The following AGER variants were observed in gnomAD, a reference collection of about 807,000 sequenced individuals.
AGER encodes advanced glycosylation end-product specific receptor.
Under a neutral mutation model 48.8 loss-of-function variants are expected in AGER, and 46 were observed. The ratio of observed to expected loss-of-function variants is 0.94; its 90% confidence interval spans 0.74 to 1.20. AGER has a LOEUF of 1.20. AGER is among the 50% of genes most tolerant of loss of function. The pLI is 0.00. For synonymous variants in AGER, 170 were observed against 199.9 expected (o/e 0.85, Z 1.26); for missense variants, 489 against 515.0 (o/e 0.95, Z 0.49).
At position 32,184,157 on chromosome 6, in the gene AGER, A is replaced by T; in HGVS notation, c.52+14T>A. 1 of 1,610,126 alleles carries T rather than the reference A, an allele frequency of 6.2e-7. No homozygotes were observed. The highest frequency in any genetic ancestry group is 8.5e-7 in the Non-Finnish European group (1 of 1,178,354). On this transcript the variant is annotated intron_variant, in intron 1 of 10. Coordinates refer to ENST00000375076, the MANE Select transcript of AGER (RefSeq NM_001136.5). The stretch of plus-strand genomic sequence containing the variant: ...TCTGCAGGGAGGGTCAGTGGGGTTG[A>T]GGGAGTGGCTCACCCCACAGACTGA...
At position 32,181,493 on chromosome 6, in the gene AGER, G is replaced by A. The variant is rs1382263477; in HGVS notation, c.992-16C>T. 1 of 1,613,094 alleles carries A rather than the reference G, an allele frequency of 6.2e-7. No homozygotes were observed. Among genetic ancestry groups the A allele is most frequent in the Non-Finnish European group, 8.5e-7 (1 of 1,180,050 alleles). ...CCCACAGAGCCTGTACGGAGACAGG[G>A]AAAATTGAGAGCACAGCCACCACCA... is the stretch of plus-strand genomic sequence containing the variant. On this transcript the variant is annotated splice_polypyrimidine_tract_variant and intron_variant, in intron 9 of 10. Coordinates refer to ENST00000375076, the MANE Select transcript of AGER (RefSeq NM_001136.5). This position sits in a 1 kb window ranked among gnomAD's most constrained non-coding sequence, Gnocchi z 4.1.
In AGER at chr6:32,180,996, T is replaced by G; in HGVS notation, c.*147A>C. 1.3e-6 allele frequency: 1 copy of G among 790,744 alleles called. No individual in the cohort carries two copies. Among genetic ancestry groups the G allele is most frequent in the Non-Finnish European group, 2.1e-6 (1 of 475,514 alleles). The allele number at this position is 790,744 out of a possible 1,614,324, so 49.0% of individuals were successfully genotyped here. On this transcript the variant is annotated 3_prime_UTR_variant, in exon 11 of 11. Transcript: ENST00000375076. The stretch of plus-strand genomic sequence containing the variant: ...AGATGTGTCAGGTGTTTAATCATCA[T>G]TGTGGGGGGCTCTGGTTGTAGAAGA...
intron 2 of AGER, 22 bp downstream of exon 2, chr6:32,183,859 C>G: frequency 3.1e-6 from 5 of 1,612,942 alleles, no homozygotes; most frequent in Non-Finnish European, 4.2e-6. Flanking sequence ...AGTTGGGAGG[C>G]TGCAACAGGA....
Position 32,182,652 on chromosome 6 carries a change from A to G in AGER, c.738T>C (p.Gly246=). Residue 246 remains glycine, a synonymous_variant, in exon 7 of 11, where the codon GGT becomes GGC. Transcript: ENST00000375076. The surrounding 1 kb of genome is among the most constrained non-coding windows in gnomAD (Gnocchi z 5.1). ...CGGTTCCACCAGGAGCTACTGCTCC[A>G]CCTTCTGGCTCCACCACCAATTGGA... The part of the protein sequence containing the change: ...EEVQLVVEPE[G]GAVAPGGTVT... 6.2e-7 allele frequency: 1 copy of G among 1,613,018 alleles called. No homozygotes were observed.
Position 32,183,361 on chromosome 6 carries a change from TC to T in AGER, c.382del (p.Asp128IlefsTer46), listed in dbSNP as rs1226165604. 1.9e-6 allele frequency: 3 copies of T among 1,613,002 alleles called. No homozygotes were observed. Among genetic ancestry groups the T allele is most frequent in the Admixed American group, 3.3e-5 (2 of 60,010 alleles). ...ACCAGCCGTGAGTTCAGAGGCAGAA[TC>T]TACAATTTCTGGCTTCCCAGGAATC... is the stretch of plus-strand genomic sequence containing the variant. Reference protein sequence around the residue: ...YQIPGKPEIVDSASELTAGVP... With the variant: ...YQIPGKPEIVXSASELTAGVP... On this transcript the variant is annotated frameshift_variant, in exon 4 of 11. Transcript: ENST00000375076. LOFTEE classifies it high-confidence loss of function.
Position 32,182,827 on chromosome 6 carries a change from C to A in AGER, c.691+14G>T. The A allele has an allele frequency of 6.2e-7, 1 of 1,612,488 alleles. No individual in the cohort carries two copies. Among genetic ancestry groups the A allele is most frequent in the Non-Finnish European group, 8.5e-7 (1 of 1,179,874 alleles). On this transcript the variant is annotated intron_variant, in intron 6 of 10. Coordinates refer to ENST00000375076, the MANE Select transcript of AGER (RefSeq NM_001136.5). The surrounding 1 kb of genome is among the most constrained non-coding windows in gnomAD (Gnocchi z 5.1). ...TGCTCACGTGAGCTTGGGGCCCTCC[C>A]CACCTATGCTCACCCCAGACACGGG... is the stretch of plus-strand genomic sequence containing the variant.
rs1786241774 is a variant in AGER at position 32,181,647 on chromosome 6, T to C, written c.965-15A>G. 2 of 1,612,782 alleles carry C rather than the reference T, an allele frequency of 1.2e-6. No homozygotes were observed. The highest frequency in any genetic ancestry group is 2.7e-5 in the African/African-American group (2 of 74,916). ...CTCGCCTGGTTCTGGAAGACAAAGT[T>C]GGATCCAGTCAGAAAGGAAGACTTC... On this transcript the variant is annotated splice_polypyrimidine_tract_variant and intron_variant, in intron 8 of 10. Transcript: ENST00000375076. The surrounding 1 kb of genome is among the most constrained non-coding windows in gnomAD (Gnocchi z 4.1).
chr6:32,181,465 C>T lies in AGER; in HGVS notation c.1004G>A (p.Gly335Glu), dbSNP rs1370682651. The T allele has an allele frequency of 6.2e-7, 1 of 1,613,262 alleles. No homozygotes were observed. Among genetic ancestry groups the T allele is most frequent in the South Asian group, 1.1e-5 (1 of 91,084 alleles). Residue 335 changes from glycine to glutamate, a missense_variant, in exon 10 of 11, where the codon GGA becomes GAA. Transcript: ENST00000375076. The surrounding 1 kb of genome is among the most constrained non-coding windows in gnomAD (Gnocchi z 4.1). Reference protein sequence around the residue: ...EEGPTAGSVGGSGLGTLALAL... With the variant: ...EEGPTAGSVGESGLGTLALAL... ...CAGGGCTAGAGTTCCCAGCCCTGAT[C>T]CTCCCACAGAGCCTGTACGGAGACA...
rs1291560549 is a variant in AGER, at chr6:32,182,859, T to TG, written c.672dup (p.Ile225HisfsTer36). The TG allele has an allele frequency of 6.2e-7, 1 of 1,611,670 alleles. No individual in the cohort carries two copies. The highest frequency in any genetic ancestry group is 8.5e-7 in the Non-Finnish European group (1 of 1,179,608). ...TGCTCACCCCAGACACGGGGCTGGA[T>TG]GGGGGCTGTGCGCAAGGCCCGGTGT... On this transcript the variant is annotated frameshift_variant, in exon 6 of 11. Transcript: ENST00000375076. LOFTEE classifies it high-confidence loss of function. This position sits in a 1 kb window ranked among gnomAD's most constrained non-coding sequence, Gnocchi z 5.1.
Position 32,183,029 on chromosome 6 carries a change from A to G in AGER, c.509-6T>C. 6.2e-7 allele frequency: 1 copy of G among 1,613,060 alleles called. No homozygotes were observed. Among genetic ancestry groups the G allele is most frequent in the Non-Finnish European group, 8.5e-7 (1 of 1,180,028 alleles). ...CTGTTCCTTCACAGATACTCCTATG[A>G]TGGGAGGATAAGACAAATTATCCCA... On this transcript the variant is annotated splice_region_variant and splice_polypyrimidine_tract_variant and intron_variant, in intron 5 of 10. Coordinates refer to ENST00000375076, the MANE Select transcript of AGER (RefSeq NM_001136.5).
Position 32,181,652 on chromosome 6 carries a change from C to A in AGER, c.965-20G>T. On this transcript the variant is annotated intron_variant, in intron 8 of 10. Transcript: ENST00000375076. This position sits in a 1 kb window ranked among gnomAD's most constrained non-coding sequence, Gnocchi z 4.1. ...CTGGTTCTGGAAGACAAAGTTGGAT[C>A]CAGTCAGAAAGGAAGACTTCGGGTT... 6.2e-7 allele frequency: 1 copy of A among 1,612,690 alleles called. No homozygotes were observed. Among genetic ancestry groups the A allele is most frequent in the Non-Finnish European group, 8.5e-7 (1 of 1,179,744 alleles).
At position 32,183,619 on chromosome 6, in the gene AGER, G is replaced by GA. The variant is rs1173662357; in HGVS notation, c.290dup (p.Arg98ProfsTer35). The GA allele has an allele frequency of 1.5e-5, 24 of 1,613,088 alleles. No individual in the cohort carries two copies. The highest frequency in any genetic ancestry group is 2.0e-5 in the Non-Finnish European group (24 of 1,180,044). On this transcript the variant is annotated frameshift_variant, in exon 3 of 11. Transcript: ENST00000375076. LOFTEE classifies it high-confidence loss of function. Reference sequence around the variant, plus strand: ...CATTCCTGTTCATTGCCTGGCACCGGAAAATCCCCTCATCCTGGATCCCGA... The same window carrying GA: ...CATTCCTGTTCATTGCCTGGCACCGGAAAAATCCCCTCATCCTGGATCCCGA...
Position 32,182,079 on chromosome 6 carries a change from T to C in AGER, c.964+168A>G, listed in dbSNP as rs1786321273. ...AGAGGGAAGAAGGGAGAGGCTTGGC[T>C]GCTCTCTTGGCAGAATTTGGGTGGG... is the stretch of plus-strand genomic sequence containing the variant. On this transcript the variant is annotated intron_variant, in intron 8 of 10. Transcript: ENST00000375076. The surrounding 1 kb of genome is among the most constrained non-coding windows in gnomAD (Gnocchi z 5.1). 1 of 967,126 alleles carries C rather than the reference T, an allele frequency of 1.0e-6. No individual in the cohort carries two copies. The highest frequency in any genetic ancestry group is 1.6e-6 in the Non-Finnish European group (1 of 625,238). 59.9% of individuals were successfully genotyped at this position (967,126 alleles called of 1,614,324 possible). A position where few individuals can be genotyped will look rare whatever the true frequency, so the allele number is the denominator to read the frequency against.
At chr6:32,183,457 G>C in intron 3 of AGER, 69 bp from the exon 4 acceptor site, 1 of 1,607,010 alleles carries the variant, frequency 6.2e-7, no homozygotes, top group Non-Finnish European at 8.5e-7. Flanking sequence ...GTGGAAATGA[G>C]GCCAGTGGAA....
At position 32,182,425 on chromosome 6, in the gene AGER, C is replaced by A; in HGVS notation, c.823-37G>T. ...AGGGGAGAGGAGACTATTTCAAAAC[C>A]CTTGTCTTTTTGTCTCCATATCTTC... On this transcript the variant is annotated intron_variant, in intron 7 of 10. Coordinates refer to ENST00000375076, the MANE Select transcript of AGER (RefSeq NM_001136.5). This position sits in a 1 kb window ranked among gnomAD's most constrained non-coding sequence, Gnocchi z 5.1. 6.3e-7 allele frequency: 1 copy of A among 1,596,370 alleles called. No individual in the cohort carries two copies. Among genetic ancestry groups the A allele is most frequent in the South Asian group, 1.1e-5 (1 of 89,256 alleles).
rs204996 is a variant in AGER, at chr6:32,182,106, C to T, written c.964+141G>A. 68,001 of 1,198,878 alleles carry T rather than the reference C, an allele frequency of 0.057. 2,402 individuals are homozygous for T. The highest frequency in any genetic ancestry group is 0.11 in the African/African-American group (7,347 of 66,408). The allele number at this position is 1,198,878 out of a possible 1,614,324, so 74.3% of individuals were successfully genotyped here. Reference sequence around the variant, plus strand: ...CTCTCTTGGCAGAATTTGGGTGGGGCAGGGGAGGCTTGGGTGTGGGTGCAT... The same window carrying T: ...CTCTCTTGGCAGAATTTGGGTGGGGTAGGGGAGGCTTGGGTGTGGGTGCAT... On this transcript the variant is annotated intron_variant, in intron 8 of 10. Coordinates refer to ENST00000375076, the MANE Select transcript of AGER (RefSeq NM_001136.5). The surrounding 1 kb of genome is among the most constrained non-coding windows in gnomAD (Gnocchi z 5.1).
Position 32,181,587 on chromosome 6 carries a change from A to G in AGER, c.991+19T>C. The G allele has an allele frequency of 6.2e-7, 1 of 1,612,984 alleles. No homozygotes were observed. Among genetic ancestry groups the G allele is most frequent in the Non-Finnish European group, 8.5e-7 (1 of 1,180,006 alleles). Reference sequence around the variant, plus strand: ...TTGGGGGCTATCTTCTGCTTCCCTGACTTTATCAAACCCCTCACCTGCAGT... The same window carrying G: ...TTGGGGGCTATCTTCTGCTTCCCTGGCTTTATCAAACCCCTCACCTGCAGT... On this transcript the variant is annotated intron_variant, in intron 9 of 10. Transcript: ENST00000375076. This position sits in a 1 kb window ranked among gnomAD's most constrained non-coding sequence, Gnocchi z 4.1.
rs370335494 is a variant in AGER, at chr6:32,181,193, T to G, written c.1165A>C (p.Asn389His). 9.3e-6 allele frequency: 15 copies of G among 1,614,188 alleles called. No individual in the cohort carries two copies. The highest frequency in any genetic ancestry group is 1.3e-5 in the Non-Finnish European group (15 of 1,180,028). Reference sequence around the variant, plus strand: ...CCTGCCTCAGGTTCCTCCGACTGATTCAGTTCTGCACGCTCCTCCTCTTCC... The same window carrying G: ...CCTGCCTCAGGTTCCTCCGACTGATGCAGTTCTGCACGCTCCTCCTCTTCC... ...QEEEEERAELNQSEEPEAGES... is the reference protein window; with the variant it reads ...QEEEEERAELHQSEEPEAGES... Residue 389 changes from asparagine to histidine, a missense_variant, in exon 11 of 11, where the codon AAT (asparagine) becomes CAT (histidine). Physicochemically the swap from Asn to His is moderately conservative, Grantham distance 68. Transcript: ENST00000375076. The surrounding 1 kb of genome is among the most constrained non-coding windows in gnomAD (Gnocchi z 4.1).
In AGER at chr6:32,181,770, T is replaced by C. The variant is rs1786267482; in HGVS notation, c.965-138A>G. On this transcript the variant is annotated intron_variant, in intron 8 of 10. Transcript: ENST00000375076. This position sits in a 1 kb window ranked among gnomAD's most constrained non-coding sequence, Gnocchi z 4.1. ...TTCACTTTTGTTGCCCAGGCTGGCA[T>C]GCAATGGTGCGATCTTGGCTCATCG... 2 of 909,948 alleles carry C rather than the reference T, an allele frequency of 2.2e-6. No homozygotes were observed. Among genetic ancestry groups the C allele is most frequent in the East Asian group, 5.0e-5 (2 of 39,794 alleles). The allele number at this position is 909,948 out of a possible 1,614,324, so 56.4% of individuals were successfully genotyped here. A position where few individuals can be genotyped will look rare whatever the true frequency, so the allele number is the denominator to read the frequency against.
Sources: allele counts gnomAD v4.1 joint callset, GRCh38; gene constraint gnomAD v4.1.1; non-coding constraint Gnocchi (gnomAD v3.1); transcripts MANE v1.5; gene names NCBI Gene and HGNC (gene_info 2026-07-23, HGNC 2026-07-21).